The following RANBP2 variants were observed in gnomAD, a reference collection of about 807,000 sequenced individuals.
RANBP2 encodes RAN binding protein 2, also known as E3 SUMO-protein ligase RanBP2.
RANBP2 carries 57 observed loss-of-function variants against 303.6 expected under a neutral mutation model. That is an observed-to-expected ratio of 0.19 (90% confidence interval 0.15 to 0.23). The LOEUF (loss-of-function observed/expected upper bound fraction) is 0.23. RANBP2 is among the 10% of genes least tolerant of loss of function. RANBP2 has a pLI of 1.00. For missense variants in RANBP2, 3,138 were observed against 3,780.8 expected (o/e 0.83, Z 4.46); for synonymous variants, 1,167 against 1,301.5 (o/e 0.90, Z 2.23).
the RANBP2 span, among the ~76,000 whole-genome samples, chr2:109,225,477 C>T: frequency 6.6e-6 from 1 of 152,224 alleles, no homozygotes; most frequent in Non-Finnish European, 1.5e-5. Context: ...GCCGACTCCC[C>T]ACTGGGGACT....
chr2:108,963,495 T>C, the RANBP2 span, among the ~76,000 whole-genome samples: 2 of 152,182 alleles, frequency 1.3e-5, no homozygotes, highest in African/African-American at 4.8e-5. Flanking sequence ...AGAGATCCCA[T>C]GTCCCCGTTA....
At chr2:109,206,066 G>A in the RANBP2 span, among the ~76,000 whole-genome samples, 2 of 152,142 alleles carry the variant, frequency 1.3e-5, no homozygotes, top group East Asian at 1.9e-4. Flanking sequence ...TCCAGCCTCC[G>A]CGGTGGGCAT....
At chr2:109,366,516 A>G in the RANBP2 span, among the ~76,000 whole-genome samples, 1 of 152,244 alleles carries the variant, frequency 6.6e-6, no homozygotes, top group Non-Finnish European at 1.5e-5. Flanking sequence ...ATATATACAT[A>G]CTTGAGGAGA....
At chr2:109,464,130 CT>C in the RANBP2 span, among the ~76,000 whole-genome samples, 1 of 152,178 alleles carries the variant, frequency 6.6e-6, no homozygotes, top group Non-Finnish European at 1.5e-5. Flanking sequence ...CATTCAGTTT[CT>C]TCTAAAATAC....
At chr2:109,150,451 A>G in the RANBP2 span, among the ~76,000 whole-genome samples, 1 of 152,338 alleles carries the variant, frequency 6.6e-6, no homozygotes, top group Middle Eastern at 3.4e-3. Flanking sequence ...TTTCACTTAA[A>G]AAACAATTTC....
At chr2:109,227,974 TG>T in the RANBP2 span, among the ~76,000 whole-genome samples, 1 of 152,188 alleles carries the variant, frequency 6.6e-6, no homozygotes, top group African/African-American at 2.4e-5. Flanking sequence ...TCAAGGGGCA[TG>T]GGATTTACAT....
chr2:108,788,085 C>G (rs1054768267), downstream of RANBP2: 5 of 1,601,084 alleles, frequency 3.1e-6, no homozygotes, highest in African/African-American at 6.8e-5. Flanking sequence ...CTCTAACCTC[C>G]CCAGGTAAGC....
chr2:109,431,224 G>A, the RANBP2 span, among the ~76,000 whole-genome samples: 6 of 152,198 alleles, frequency 3.9e-5, no homozygotes, highest in South Asian at 2.1e-4. Flanking sequence ...TGCACAAGCC[G>A]CTGGATAGGG....
the RANBP2 span, among the ~76,000 whole-genome samples, chr2:109,164,600 G>A: frequency 6.6e-6 from 1 of 152,162 alleles, no homozygotes; most frequent in Admixed American, 6.5e-5. Flanking sequence ...ACTCAGCCAG[G>A]CAGCAATGTG....
the RANBP2 span, among the ~76,000 whole-genome samples, chr2:109,277,611 C>T: frequency 4.6e-5 from 7 of 152,200 alleles, no homozygotes; most frequent in African/African-American, 1.2e-4. Context: ...CCTCCGCGTG[C>T]GTAGCTCAGA....
At chr2:108,939,994 G>T in the RANBP2 span, among the ~76,000 whole-genome samples, 2,268 of 152,302 alleles carry the variant, frequency 0.015, 29 homozygotes, top group South Asian at 0.029. Flanking sequence ...AGCAAAACAA[G>T]AACGTAATCC....
At chr2:108,798,816 T>TAC in the RANBP2 span, among the ~76,000 whole-genome samples, 14,825 of 131,400 alleles carry the variant, frequency 0.11, 897 homozygotes, top group South Asian at 0.13. Flanking sequence ...TCTCCACACC[T>TAC]ACACACACAC....
the RANBP2 span, among the ~76,000 whole-genome samples, chr2:109,487,301 T>C: frequency 6.6e-6 from 1 of 152,182 alleles, no homozygotes; most frequent in South Asian, 2.1e-4. Flanking sequence ...ATGCCAACTG[T>C]CCATTGGCTA....
the RANBP2 span, among the ~76,000 whole-genome samples, chr2:109,220,648 C>T: frequency 6.6e-6 from 1 of 152,108 alleles, no homozygotes; most frequent in South Asian, 2.1e-4. Flanking sequence ...TACAAATGGC[C>T]AGTAAGCACA....
At chr2:109,606,361 G>C in the RANBP2 span, among the ~76,000 whole-genome samples, 1 of 152,134 alleles carries the variant, frequency 6.6e-6, no homozygotes, top group Admixed American at 6.5e-5. Flanking sequence ...GTTGCAGTGA[G>C]CCAACACTGC....
chr2:109,403,195 G>T, the RANBP2 span, among the ~76,000 whole-genome samples: 1 of 152,232 alleles, frequency 6.6e-6, no homozygotes, highest in Non-Finnish European at 1.5e-5. Context: ...GCACCATGAA[G>T]CCTGGGAGCA....
At chr2:109,719,097 C>CTT in the RANBP2 span, among the ~76,000 whole-genome samples, 140 of 120,986 alleles carry the variant, frequency 1.2e-3, 1 homozygote, top group Non-Finnish European at 1.7e-3. Flanking sequence ...TGAATTATAT[C>CTT]TTTTTTTTTT....
At chr2:109,295,874 G>A in the RANBP2 span, among the ~76,000 whole-genome samples, 9 of 152,290 alleles carry the variant, frequency 5.9e-5, no homozygotes, top group East Asian at 1.7e-3. Flanking sequence ...TCTCTCAGGT[G>A]TAAGTGGGAG....
chr2:108,893,029 C>T, the RANBP2 span, among the ~76,000 whole-genome samples: 1 of 152,162 alleles, frequency 6.6e-6, no homozygotes, highest in African/African-American at 2.4e-5. Flanking sequence ...AGTTGAGACC[C>T]ATGTTCACAA....
Sources: gnomAD v4.1 joint callset for allele counts (sites outside exome capture counted in the v4.1 genomes callset) on GRCh38, gnomAD v4.1.1 for gene constraint, MANE v1.5 for transcripts, NCBI Gene and HGNC (gene_info 2026-07-23, HGNC 2026-07-21) for gene names.